The following SLC38A3 variants were observed in gnomAD, a reference collection of about 807,000 sequenced individuals.
The protein encoded by SLC38A3 is solute carrier family 38 member 3, also known as sodium-coupled neutral amino acid transporter 3.
In SLC38A3, 17 loss-of-function variants were observed where a neutral mutation model predicts 59.5. That is an observed-to-expected ratio of 0.29 (90% CI 0.20 to 0.43). SLC38A3 has a LOEUF of 0.43. Ranked by LOEUF, SLC38A3 falls within the 20% of genes least tolerant of loss-of-function variation. The pLI, the probability that SLC38A3 is intolerant of heterozygous loss-of-function variation, is 1.00. For missense variants in SLC38A3, 454 were observed against 653.9 expected (o/e 0.69, Z 3.33); for synonymous variants, 238 against 260.3 (o/e 0.91, Z 0.82).
At chr3:50,211,247 G>A (rs897926706) in intron 1 of SLC38A3, among the ~76,000 whole-genome samples, 1 of 152,220 alleles carries the variant, frequency 6.6e-6, no homozygotes, top group Non-Finnish European at 1.5e-5. Context: ...AAATGGGCTG[G>A]CAGCCTCAGG....
At chr3:50,207,390 C>CTGCAACCG (rs1406337218) in intron 1 of SLC38A3, 3 of 152,226 alleles carry the variant, frequency 2.0e-5, no homozygotes, top group African/African-American at 7.2e-5. Context: ...TCTCGCCTCA[C>CTGCAACCG]TGCAACCGCC....
At chr3:50,208,144 G>A (rs1699669987) in intron 1 of SLC38A3, among the ~76,000 whole-genome samples, 1 of 152,210 alleles carries the variant, frequency 6.6e-6, no homozygotes, top group Admixed American at 6.5e-5. Flanking sequence ...GTCCTCCAGG[G>A]TTCTGCCTGG....
At chr3:50,211,748 C>T (rs1481159271) in intron 1 of SLC38A3, among the ~76,000 whole-genome samples, 4 of 151,988 alleles carry the variant, frequency 2.6e-5, no homozygotes, top group South Asian at 4.2e-4. Context: ...GCCACCAGCC[C>T]GGCTAATTTT....
chr3:50,206,073 C>T (rs773757351), intron 1 of SLC38A3, among the ~76,000 whole-genome samples: 2 of 152,248 alleles, frequency 1.3e-5, no homozygotes, highest in Non-Finnish European at 2.9e-5. Flanking sequence ...CAGCGCACGG[C>T]GGAGAGAAGG....
chr3:50,212,672 G>GT, intron 1 of SLC38A3, among the ~76,000 whole-genome samples: 1 of 152,124 alleles, frequency 6.6e-6, no homozygotes, highest in South Asian at 2.1e-4. Context: ...CAGGGAGGGA[G>GT]TCCTCTGACC....
rs35926495 is a variant in SLC38A3, at chr3:50,218,231, C to T, written c.936-39C>T. 407,165 of 1,329,312 alleles carry T rather than the reference C, an allele frequency of 0.31. 71,791 individuals are homozygous for T. The highest frequency in any genetic ancestry group is 0.35 in the Non-Finnish European group (324,600 of 917,956). 82.3% of individuals were successfully genotyped at this position (1,329,312 alleles called of 1,614,324 possible). On this transcript the variant is annotated intron_variant, in intron 11 of 15. Transcript: ENST00000614032. This position sits in a 1 kb window ranked among gnomAD's most constrained non-coding sequence, Gnocchi z 5.8. Reference sequence around the variant, plus strand: ...CACATGGGGGTCTCCCAATGTTACCCAGCTTGTCACCAACACCCACCCCCC... The same window carrying T: ...CACATGGGGGTCTCCCAATGTTACCTAGCTTGTCACCAACACCCACCCCCC...
intron 1 of SLC38A3, among the ~76,000 whole-genome samples, chr3:50,213,856 C>G (rs1169519074): frequency 6.6e-6 from 1 of 152,194 alleles, no homozygotes; most frequent in Non-Finnish European, 1.5e-5. Flanking sequence ...TCCAGATGAC[C>G]GTCACTTCAC....
In SLC38A3 at chr3:50,217,663, C is replaced by G; in HGVS notation, c.691-13C>G. On this transcript the variant is annotated splice_polypyrimidine_tract_variant and intron_variant, in intron 9 of 15. Transcript: ENST00000614032. This position sits in a 1 kb window ranked among gnomAD's most constrained non-coding sequence, Gnocchi z 4.9. The stretch of plus-strand genomic sequence containing the variant: ...CTGGGAGTCTCTGACACCCTCATCC[C>G]TCCCCACTCCAGGTCATCTACAAAA... 1 of 1,613,502 alleles carries G rather than the reference C, an allele frequency of 6.2e-7. No individual in the cohort carries two copies. Among genetic ancestry groups the G allele is most frequent in the Non-Finnish European group, 8.5e-7 (1 of 1,179,678 alleles).
chr3:50,217,109 CAG>C lies in SLC38A3; in HGVS notation c.549-126_549-125del, dbSNP rs1194192430. The stretch of plus-strand genomic sequence containing the variant: ...TTTTGCAGATGGGGAAAGTGAGACT[CAG>C]AGCTGTGGACAAACATTCTTCAGAT... On this transcript the variant is annotated intron_variant, in intron 7 of 15. Transcript: ENST00000614032. The surrounding 1 kb of genome is among the most constrained non-coding windows in gnomAD (Gnocchi z 4.9). The C allele has an allele frequency of 8.7e-6, 6 of 687,186 alleles. No homozygotes were observed. The East Asian group carries it at 1.1e-4, about 13-fold the overall frequency. The allele number at this position is 687,186 out of a possible 1,614,324, so 42.6% of individuals were successfully genotyped here. A position where few individuals can be genotyped will look rare whatever the true frequency, so the allele number is the denominator to read the frequency against.
rs1699855737 is a variant in SLC38A3 at position 50,218,533 on chromosome 3, A to G, written c.1037-60A>G. The G allele has an allele frequency of 6.3e-7, 1 of 1,595,196 alleles. No individual in the cohort carries two copies. On this transcript the variant is annotated intron_variant, in intron 12 of 15. Coordinates refer to ENST00000614032, the MANE Select transcript of SLC38A3 (RefSeq NM_006841.6). The surrounding 1 kb of genome is among the most constrained non-coding windows in gnomAD (Gnocchi z 5.8). ...CCCACAGTGTTGGGGTCCCCTAGGC[A>G]GCTCAGATCCCACCTCCTTCCTGGG...
At chr3:50,219,840 G>A (rs369147092) in intron 14 of SLC38A3, 41 bp from the exon 15 acceptor site, 481 of 1,526,568 alleles carry the variant, frequency 3.2e-4, no homozygotes, top group Non-Finnish European at 4.1e-4. Context: ...TAGTCAGTAG[G>A]AGGATATGAG....
intron 1 of SLC38A3, among the ~76,000 whole-genome samples, 189 bp downstream of exon 1, chr3:50,205,537 C>T (rs1245065293): frequency 6.6e-6 from 1 of 152,276 alleles, no homozygotes; most frequent in Non-Finnish European, 1.5e-5. Context: ...ACCTGCCAGT[C>T]GGGACTCAGC....
chr3:50,208,542 C>T lies in SLC38A3; in HGVS notation c.-52+3194C>T, dbSNP rs151239866. ...CCTCCCAAAGTGCTGGGATTACAGG[C>T]GTGAGCCACCATGCCCGGCCTTACA... On this transcript the variant is annotated intron_variant, in intron 1 of 15. Transcript: ENST00000614032. 2.4e-3 allele frequency among the ~76,000 whole-genome samples: 365 copies of T among 152,302 alleles called. 1 individual carries two copies. Among genetic ancestry groups the T allele is most frequent in the African/African-American group, 8.4e-3 (351 of 41,560 alleles).
intron 1 of SLC38A3, among the ~76,000 whole-genome samples, chr3:50,213,707 G>A (rs1447821946): frequency 6.6e-6 from 1 of 152,208 alleles, no homozygotes; most frequent in Non-Finnish European, 1.5e-5. Context: ...CTGGACACAG[G>A]GCCAGTGCAG....
chr3:50,215,734 C>T lies in SLC38A3; in HGVS notation c.467-6C>T, dbSNP rs772006096. The T allele has an allele frequency of 6.2e-7, 1 of 1,604,970 alleles. No individual in the cohort carries two copies. Among genetic ancestry groups the T allele is most frequent in the South Asian group, 1.1e-5 (1 of 89,828 alleles). On this transcript the variant is annotated splice_polypyrimidine_tract_variant and splice_region_variant and intron_variant, in intron 6 of 15. Coordinates refer to ENST00000614032, the MANE Select transcript of SLC38A3 (RefSeq NM_006841.6). The surrounding 1 kb of genome is among the most constrained non-coding windows in gnomAD (Gnocchi z 7.1). Reference sequence around the variant, plus strand: ...AGCGCCTGCCTGCCCGCCCCTCTCCCCACAGCCATGTCCAGCTACCTGTAC... The same window carrying T: ...AGCGCCTGCCTGCCCGCCCCTCTCCTCACAGCCATGTCCAGCTACCTGTAC...
intron 7 of SLC38A3, among the ~76,000 whole-genome samples, chr3:50,216,898 G>C (rs1699826251): frequency 6.6e-6 from 1 of 152,182 alleles, no homozygotes; most frequent in Non-Finnish European, 1.5e-5. Flanking sequence ...TCAGTCTCCT[G>C]AGTAGCTGAG....
At chr3:50,219,440 G>T (rs1699866479) in intron 14 of SLC38A3, among the ~76,000 whole-genome samples, 1 of 152,198 alleles carries the variant, frequency 6.6e-6, no homozygotes, top group Non-Finnish European at 1.5e-5. Flanking sequence ...ACTCTGCCAG[G>T]ACTGACAAAC....
In SLC38A3 at chr3:50,215,572, C is replaced by T. The variant is rs748761126; in HGVS notation, c.402C>T (p.Tyr134=). The T allele has an allele frequency of 8.7e-6, 14 of 1,613,748 alleles. No homozygotes were observed. The highest frequency in any genetic ancestry group is 3.3e-5 in the Admixed American group (2 of 59,998). The change falls in exon 6 of 16, where the codon TAC becomes TAT. Residue 134 remains tyrosine (Y), a synonymous_variant. Coordinates refer to ENST00000614032, the MANE Select transcript of SLC38A3 (RefSeq NM_006841.6). The surrounding 1 kb of genome is among the most constrained non-coding windows in gnomAD (Gnocchi z 7.1). ...VGIRAYEQLG[Y]RAFGTPGKLA... is the part of the protein sequence containing the mutation. ...TCCGTGCCTATGAGCAGCTGGGCTA[C>T]CGTGCCTTTGGGACCCCAGGAAAGC...
At position 50,218,646 on chromosome 3, in the gene SLC38A3, G is replaced by A. The variant is rs1285429008; in HGVS notation, c.1090G>A (p.Val364Ile). ...HTYSKVDPFD[V>I]LILCVRVAVL... ...CTACAGCAAGGTGGACCCGTTTGAC[G>A]TCCTGATCCTGTGTGTGCGCGTGGC... The change falls in exon 13 of 16, where the codon GTC becomes ATC. Residue 364 changes from valine (V) to isoleucine (I), a missense_variant. Physicochemically the swap from Val to Ile is conservative, Grantham distance 29. Transcript: ENST00000614032. The surrounding 1 kb of genome is among the most constrained non-coding windows in gnomAD (Gnocchi z 5.8). 1.1e-5 allele frequency: 18 copies of A among 1,613,626 alleles called. No homozygotes were observed. The highest frequency in any genetic ancestry group is 8.0e-5 in the African/African-American group (6 of 74,920).
Sources: allele counts gnomAD v4.1 joint callset (sites outside exome capture counted in the v4.1 genomes callset), GRCh38; gene constraint gnomAD v4.1.1; non-coding constraint Gnocchi (gnomAD v3.1); transcripts MANE v1.5; gene names NCBI Gene and HGNC (gene_info 2026-07-23, HGNC 2026-07-21).